The following BBS9 variants were observed in gnomAD, a reference collection of about 807,000 sequenced individuals.
The protein encoded by BBS9 is protein PTHB1.
A neutral mutation model predicts 117.7 loss-of-function variants in BBS9; 89 were observed. That is an observed-to-expected ratio of 0.76 (90% CI 0.64 to 0.90). The LOEUF is 0.90. Among genes scored for constraint, BBS9 ranks in the 40% least tolerant of loss-of-function variants. The probability of loss-of-function intolerance (pLI) is 0.00; values close to 1 mark genes in which losing one functional copy is unlikely to be tolerated. For missense variants in BBS9, 982 were observed against 1,042.2 expected (o/e 0.94, Z 0.80); for synonymous variants, 379 against 370.9 (o/e 1.02, Z -0.25).
intron 21 of BBS9, among the ~76,000 whole-genome samples, chr7:33,604,492 C>T (rs910273067): frequency 2.6e-5 from 4 of 151,066 alleles, no homozygotes; most frequent in Non-Finnish European, 5.9e-5. Flanking sequence ...ATGTGCTTTG[C>T]TTCTTTTATA....
chr7:33,187,908 C>G (rs1035133398), intron 5 of BBS9, among the ~76,000 whole-genome samples: 2 of 151,656 alleles, frequency 1.3e-5, no homozygotes, highest in African/African-American at 4.8e-5. Context: ...GGCGACAGAG[C>G]GAGACTCCGT....
intron 19 of BBS9, among the ~76,000 whole-genome samples, chr7:33,450,496 G>T (rs117396720): frequency 0.01 from 1,528 of 152,314 alleles, 8 homozygotes; most frequent in Non-Finnish European, 0.018. Flanking sequence ...TACCAACAGT[G>T]CACAAGGATT....
chr7:33,326,817 C>T (rs1445998654), intron 9 of BBS9, among the ~76,000 whole-genome samples: 1 of 151,828 alleles, frequency 6.6e-6, no homozygotes, highest in Non-Finnish European at 1.5e-5. Context: ...GGTCTCTGCT[C>T]AGTGCCTTAT....
chr7:33,488,050 A>G (rs1443258923), intron 19 of BBS9, among the ~76,000 whole-genome samples: 1 of 152,196 alleles, frequency 6.6e-6, no homozygotes, highest in Non-Finnish European at 1.5e-5. Flanking sequence ...ATCAAGACAA[A>G]GCCAAACTCT....
chr7:33,248,650 A>G (rs1245930852), intron 5 of BBS9, among the ~76,000 whole-genome samples: 1 of 152,214 alleles, frequency 6.6e-6, no homozygotes, highest in Non-Finnish European at 1.5e-5. Flanking sequence ...GTCTTTGTTC[A>G]TAGCAAACAT....
intron 5 of BBS9, among the ~76,000 whole-genome samples, chr7:33,240,985 A>C (rs935565574): frequency 3.3e-5 from 5 of 152,182 alleles, no homozygotes; most frequent in Admixed American, 6.6e-5. Context: ...GATAATGATT[A>C]AGTAGATAGC....
chr7:33,564,004 G>T (rs1437331086), intron 21 of BBS9, among the ~76,000 whole-genome samples: 1 of 150,948 alleles, frequency 6.6e-6, no homozygotes, highest in Admixed American at 6.6e-5. Flanking sequence ...AGCTTTGAAA[G>T]ATTTTCTAAA....
rs112130693 is a variant in BBS9, at chr7:33,348,741, G to A, written c.1330-327G>A. On this transcript the variant is annotated intron_variant, in intron 12 of 22. Transcript: ENST00000242067. ...AACACATGTTATTGTCTGTCCTTTCGATTATAGCCATTTTATTGGGTACGT... is the reference window on the plus strand; with the variant it reads ...AACACATGTTATTGTCTGTCCTTTCAATTATAGCCATTTTATTGGGTACGT... Among the ~76,000 whole-genome samples the A allele has an allele frequency of 4.7e-4, 71 of 152,156 alleles. 3 individuals are homozygous for A. Among genetic ancestry groups the A allele is most frequent in the African/African-American group, 1.6e-3 (68 of 41,536 alleles).
In BBS9 at chr7:33,585,097, C is replaced by G. The variant is rs184960197; in HGVS notation, c.2522-19768C>G. ...TATCTACTCTAATGAGCCACTTTCTCTCCTTTGTAATTATATGCTGGATTC... is the reference window on the plus strand; with the variant it reads ...TATCTACTCTAATGAGCCACTTTCTGTCCTTTGTAATTATATGCTGGATTC... On this transcript the variant is annotated intron_variant, in intron 21 of 22. Transcript: ENST00000242067. 3.4e-3 allele frequency among the ~76,000 whole-genome samples: 522 copies of G among 152,192 alleles called. 6 individuals are homozygous for G. The highest frequency in any genetic ancestry group is 0.012 in the African/African-American group (486 of 41,546).
chr7:33,527,390 A>C (rs969609550), intron 20 of BBS9, among the ~76,000 whole-genome samples: 2 of 151,990 alleles, frequency 1.3e-5, no homozygotes, highest in African/African-American at 4.8e-5. Flanking sequence ...CTGTGCTAGC[A>C]ATCAGCGAGA....
At chr7:33,201,206 A>G (rs1160277934) in intron 5 of BBS9, among the ~76,000 whole-genome samples, 1 of 152,010 alleles carries the variant, frequency 6.6e-6, no homozygotes, top group Non-Finnish European at 1.5e-5. Context: ...CTTTTTCTTC[A>G]TGTATTTTCA....
chr7:33,484,017 A>G lies in BBS9; in HGVS notation c.2116-21446A>G, dbSNP rs187337226. Among the ~76,000 whole-genome samples, 25 of 152,320 alleles carry G rather than the reference A, an allele frequency of 1.6e-4. No homozygotes were observed. In the East Asian group the frequency reaches 4.8e-3, roughly 29 times the overall value. On this transcript the variant is annotated intron_variant, in intron 19 of 22. Coordinates refer to ENST00000242067, the MANE Select transcript of BBS9 (RefSeq NM_198428.3). ...AGACACAGTATTGGGAATATAGTAAATGCTAAATAATTCTTTGGTATTAGT... is the reference window on the plus strand; with the variant it reads ...AGACACAGTATTGGGAATATAGTAAGTGCTAAATAATTCTTTGGTATTAGT...
intron 12 of BBS9, 131 bp downstream of exon 12, chr7:33,344,765 C>T: frequency 6.4e-6 from 6 of 943,124 alleles, no homozygotes; most frequent in Non-Finnish European, 1.0e-5. Flanking sequence ...GATTTTTCCC[C>T]AGCCTTGAGT....
chr7:33,321,579 A>G (rs949961238), intron 9 of BBS9, among the ~76,000 whole-genome samples: 2 of 151,954 alleles, frequency 1.3e-5, no homozygotes, highest in East Asian at 3.9e-4. Flanking sequence ...TTGATTTTGT[A>G]TCTTGCAAAT....
At chr7:33,365,398 G>C (rs1460154139) in intron 16 of BBS9, among the ~76,000 whole-genome samples, 1 of 152,198 alleles carries the variant, frequency 6.6e-6, no homozygotes, top group Non-Finnish European at 1.5e-5. Context: ...CAAGGGCATA[G>C]CAATGTAAAC....
intron 5 of BBS9, among the ~76,000 whole-genome samples, chr7:33,234,241 A>G (rs1793043648): frequency 6.6e-6 from 1 of 152,112 alleles, no homozygotes; most frequent in African/African-American, 2.4e-5. Context: ...GTGTGTGTAT[A>G]GGGTTTGGTA....
chr7:33,272,254 G>A (rs188697550), intron 7 of BBS9, among the ~76,000 whole-genome samples: 4 of 152,246 alleles, frequency 2.6e-5, no homozygotes, highest in Admixed American at 6.5e-5. Context: ...CACATACTAC[G>A]CTTAATACCT....
At chr7:33,210,677 A>G (rs1787839794) in intron 5 of BBS9, among the ~76,000 whole-genome samples, 1 of 152,156 alleles carries the variant, frequency 6.6e-6, no homozygotes, top group Non-Finnish European at 1.5e-5. Context: ...GGCTGGGATT[A>G]CAGGTGTGCG....
At chr7:33,173,923 A>G (rs971694503) in intron 4 of BBS9, among the ~76,000 whole-genome samples, 1 of 152,218 alleles carries the variant, frequency 6.6e-6, no homozygotes, top group Non-Finnish European at 1.5e-5. Context: ...AAATGAAACA[A>G]AGTGGGTAGA....
Sources: gnomAD v4.1 joint callset for allele counts (sites outside exome capture counted in the v4.1 genomes callset) on GRCh38, gnomAD v4.1.1 for gene constraint, MANE v1.5 for transcripts, NCBI Gene and HGNC (gene_info 2026-07-23, HGNC 2026-07-21) for gene names.